The following TP53I11 variants were observed in gnomAD, a reference collection of about 807,000 sequenced individuals.
TP53I11 encodes tumor protein p53-inducible protein 11.
In TP53I11, 9 loss-of-function variants were observed where a neutral mutation model predicts 23.3. The observed-to-expected ratio is 0.39, with a 90% CI of 0.23 to 0.67. The LOEUF is 0.67. Ranked by LOEUF, TP53I11 falls within the 30% of genes least tolerant of loss-of-function variation. TP53I11 has a pLI of 0.48. For missense variants in TP53I11, 170 were observed against 255.2 expected (o/e 0.67, Z 2.27); for synonymous variants, 100 against 106.1 (o/e 0.94, Z 0.35).
At chr11:44,940,155 C>T (rs1485789625) in intron 1 of TP53I11, among the ~76,000 whole-genome samples, 1 of 152,252 alleles carries the variant, frequency 6.6e-6, no homozygotes, top group Non-Finnish European at 1.5e-5. Flanking sequence ...CGAGGCTGCC[C>T]TGAAAGTCAC....
chr11:44,938,404 C>T, intron 1 of TP53I11, 38 bp from the exon 2 acceptor site: 1 of 1,478,260 alleles, frequency 6.8e-7, no homozygotes. Flanking sequence ...CAGTTCCTAC[C>T]CAGCTTCCAG....
At position 44,933,196 on chromosome 11, in the gene TP53I11, G is replaced by T. The variant is rs1590722426; in HGVS notation, c.*1688C>A. Reference sequence around the variant, plus strand: ...TGCTCTGCCACGTTTACCAAGCAGAGTCTCGGGGCATCCGCTGTAACCATG... The same window carrying T: ...TGCTCTGCCACGTTTACCAAGCAGATTCTCGGGGCATCCGCTGTAACCATG... On this transcript the variant is annotated 3_prime_UTR_variant, in exon 7 of 7. Transcript: ENST00000525680. The T allele has an allele frequency of 2.6e-5, 4 of 152,324 alleles. No individual in the cohort carries two copies. Among genetic ancestry groups the T allele is most frequent in the Admixed American group, 2.0e-4 (3 of 15,292 alleles). 9.4% of individuals were successfully genotyped at this position (152,324 alleles called of 1,614,324 possible).
At chr11:44,937,907 G>A (rs900664109) in intron 2 of TP53I11, among the ~76,000 whole-genome samples, 1 of 152,228 alleles carries the variant, frequency 6.6e-6, no homozygotes, top group African/African-American at 2.4e-5. Flanking sequence ...TGGGCAAGTT[G>A]CCTAACCTCT....
chr11:44,935,227 G>A (rs947209080), intron 6 of TP53I11, among the ~76,000 whole-genome samples: 1 of 152,206 alleles, frequency 6.6e-6, no homozygotes, highest in Non-Finnish European at 1.5e-5. Context: ...CAGGAACTGG[G>A]GCACAGCAGG....
In TP53I11 at chr11:44,936,307, G is replaced by T; in HGVS notation, c.334+496C>A. On this transcript the variant is annotated intron_variant, in intron 5 of 6. Coordinates refer to ENST00000525680, the MANE Select transcript of TP53I11 (RefSeq NM_006034.5). This position sits in a 1 kb window ranked among gnomAD's most constrained non-coding sequence, Gnocchi z 4.4. ...GCAATAGGGAGCCATAGAATATTTC[G>T]TAGAAATAGAGGCATATTACCTATG... The T allele has an allele frequency of 8.5e-7, 1 of 1,170,930 alleles. No individual in the cohort carries two copies. 72.5% of individuals were successfully genotyped at this position (1,170,930 alleles called of 1,614,324 possible).
intron 1 of TP53I11, among the ~76,000 whole-genome samples, chr11:44,942,254 C>G (rs1861920386): frequency 1.4e-5 from 2 of 145,650 alleles, no homozygotes; most frequent in Admixed American, 1.4e-4. Flanking sequence ...CACACCCACA[C>G]ACTACACACA....
At chr11:44,935,513 G>T (rs773152973) in intron 6 of TP53I11, 48 bp downstream of exon 6, 2 of 1,565,152 alleles carry the variant, frequency 1.3e-6, no homozygotes, top group East Asian at 4.5e-5. Flanking sequence ...GGCAGGTCAG[G>T]GGCGAAGCGG....
rs1046385991 is a variant in TP53I11, at chr11:44,932,946, C to T, written c.*1938G>A. 2 of 152,266 alleles carry T rather than the reference C, an allele frequency of 1.3e-5. No individual in the cohort carries two copies. Among genetic ancestry groups the T allele is most frequent in the African/African-American group, 2.4e-5 (1 of 41,452 alleles). The allele number at this position is 152,266 out of a possible 1,614,324, so 9.4% of individuals were successfully genotyped here. ...TTATGGGAGGACAAACCAACCATCA[C>T]TATTAGAGGATTAGGCCTGGCTCAG... On this transcript the variant is annotated 3_prime_UTR_variant, in exon 7 of 7. Transcript: ENST00000525680.
At chr11:44,945,496 G>C (rs913934662) in intron 1 of TP53I11, among the ~76,000 whole-genome samples, 2 of 151,838 alleles carry the variant, frequency 1.3e-5, no homozygotes, top group African/African-American at 4.8e-5. Flanking sequence ...TGGTGGGGGT[G>C]GGGGGGCGTT....
At chr11:44,938,703 G>T (rs1015237964) in intron 1 of TP53I11, among the ~76,000 whole-genome samples, 2 of 152,176 alleles carry the variant, frequency 1.3e-5, no homozygotes, top group African/African-American at 4.8e-5. Flanking sequence ...TTCCTGGGGG[G>T]ATGGGGAGGA....
chr11:44,941,243 C>T (rs919175967), intron 1 of TP53I11, among the ~76,000 whole-genome samples: 18 of 152,164 alleles, frequency 1.2e-4, no homozygotes, highest in African/African-American at 3.4e-4. Context: ...GGGGAGGGGG[C>T]GCTGATCTGC....
intron 1 of TP53I11, chr11:44,949,913 C>T (rs1862773254): frequency 6.6e-6 from 1 of 152,352 alleles, no homozygotes; most frequent in African/African-American, 2.4e-5. Context: ...ACGGGGGACT[C>T]TCTCAGCCTC....
intron 1 of TP53I11, among the ~76,000 whole-genome samples, chr11:44,948,967 G>A (rs1862651963): frequency 6.6e-6 from 1 of 152,216 alleles, no homozygotes; most frequent in Admixed American, 6.5e-5. Flanking sequence ...CTGGACATGG[G>A]TGAAGGGGCT....
chr11:44,942,029 C>T, intron 1 of TP53I11, among the ~76,000 whole-genome samples: 1 of 150,842 alleles, frequency 6.6e-6, no homozygotes, highest in South Asian at 2.1e-4. Context: ...ACACACACCA[C>T]ACACCACACA....
Position 44,933,745 on chromosome 11 carries a change from T to C in TP53I11, c.*1139A>G, listed in dbSNP as rs74483874. ...GATGAGGGGAGGTGGCCTGCTGAAATGTTTCTACTTATTTCCTGTGCTGAG... is the reference window on the plus strand; with the variant it reads ...GATGAGGGGAGGTGGCCTGCTGAAACGTTTCTACTTATTTCCTGTGCTGAG... On this transcript the variant is annotated 3_prime_UTR_variant, in exon 7 of 7. Coordinates refer to ENST00000525680, the MANE Select transcript of TP53I11 (RefSeq NM_006034.5). 1,819 of 152,440 alleles carry C rather than the reference T, an allele frequency of 0.012. 27 individuals are homozygous for C. The highest frequency in any genetic ancestry group is 0.04 in the East Asian group (209 of 5,164). The allele number at this position is 152,440 out of a possible 1,614,324, so 9.4% of individuals were successfully genotyped here.
rs751295060 is a variant in TP53I11 at position 44,938,508 on chromosome 11, A to G, written c.-31-142T>C. ...GAGCCCAGGGCAGTAGGGGGAGTAC[A>G]GCTGGCTTCCTTGTCAAATGGGTTG... On this transcript the variant is annotated intron_variant, in intron 1 of 6. Coordinates refer to ENST00000525680, the MANE Select transcript of TP53I11 (RefSeq NM_006034.5). 5.1e-6 allele frequency: 5 copies of G among 987,402 alleles called. No individual in the cohort carries two copies. The South Asian group carries it at 7.4e-5, about 15-fold the overall frequency. 61.2% of individuals were successfully genotyped at this position (987,402 alleles called of 1,614,324 possible).
In TP53I11 at chr11:44,934,655, G is replaced by T. The variant is rs1434680294; in HGVS notation, c.*229C>A. 1.2e-5 allele frequency: 7 copies of T among 575,732 alleles called. No homozygotes were observed. The highest frequency in any genetic ancestry group is 1.9e-5 in the African/African-American group (1 of 53,208). 35.7% of individuals were successfully genotyped at this position (575,732 alleles called of 1,614,324 possible). ...TATCACTGTGAGGGTGAAGAACAGGGCAGCAGAGGCCCTGTCTCTCCCCAG... is the reference window on the plus strand; with the variant it reads ...TATCACTGTGAGGGTGAAGAACAGGTCAGCAGAGGCCCTGTCTCTCCCCAG... On this transcript the variant is annotated 3_prime_UTR_variant, in exon 7 of 7. Transcript: ENST00000525680.
chr11:44,949,050 G>A (rs1044840261), intron 1 of TP53I11, among the ~76,000 whole-genome samples: 1 of 152,256 alleles, frequency 6.6e-6, no homozygotes, highest in African/African-American at 2.4e-5. Context: ...GAAAGAAGCG[G>A]CCATGGCAGG....
intron 1 of TP53I11, among the ~76,000 whole-genome samples, chr11:44,944,873 G>C (rs1252557895): frequency 1.3e-5 from 2 of 152,206 alleles, no homozygotes; most frequent in Non-Finnish European, 2.9e-5. Flanking sequence ...GGCCAGATCA[G>C]ATGGGACTGA....
Sources: allele counts gnomAD v4.1 joint callset (sites outside exome capture counted in the v4.1 genomes callset), GRCh38; gene constraint gnomAD v4.1.1; non-coding constraint Gnocchi (gnomAD v3.1); transcripts MANE v1.5; gene names NCBI Gene and HGNC (gene_info 2026-07-23, HGNC 2026-07-21).